The following MAPK8IP2 variants were observed in gnomAD, a reference collection of about 807,000 sequenced individuals.
The protein encoded by MAPK8IP2 is C-Jun-amino-terminal kinase-interacting protein 2.
MAPK8IP2 carries 15 observed loss-of-function variants against 75.6 expected under a neutral mutation model. The observed-to-expected ratio is 0.20, with a 90% confidence interval of 0.13 to 0.31. MAPK8IP2 has a LOEUF of 0.31. MAPK8IP2 is among the 10% of genes least tolerant of loss of function. The pLI, the probability that MAPK8IP2 is intolerant of heterozygous loss-of-function variation, is 1.00. For synonymous variants in MAPK8IP2, 632 were observed against 554.5 expected (o/e 1.14, Z -1.96); for missense variants, 1,089 against 1,211.2 (o/e 0.90, Z 1.50).
At chr22:50,602,186 C>T (rs2070949798) in intron 2 of MAPK8IP2, among the ~76,000 whole-genome samples, 1 of 152,226 alleles carries the variant, frequency 6.6e-6, no homozygotes, top group African/African-American at 2.4e-5. Flanking sequence ...GTCCTCAGAT[C>T]ACTCCCAGAA....
chr22:50,606,923 C>G lies in MAPK8IP2; in HGVS notation c.2235C>G (p.Phe745Leu), dbSNP rs1183860430. The change falls in exon 10 of 12, where the codon TTC becomes TTG. Residue 745 changes from phenylalanine (F) to leucine (L), a missense_variant and splice_region_variant. This residue lies in a region of MAPK8IP2 where 129 missense variants were observed against 201.7 expected (regional missense o/e 0.64). Coordinates refer to ENST00000329492, the MANE Select transcript of MAPK8IP2 (RefSeq NM_012324.6). Reference sequence around the variant, plus strand: ...ACTTCTGCCCACCTCTGCTCTAGTTCCAGCGCTGCAGCCATTTCTTCCAGA... The same window carrying G: ...ACTTCTGCCCACCTCTGCTCTAGTTGCAGCGCTGCAGCCATTTCTTCCAGA... ...KLSLSGGGPE[F>L]QRCSHFFQMK... 3.1e-6 allele frequency: 5 copies of G among 1,613,818 alleles called. No homozygotes were observed. The Admixed American group carries it at 8.3e-5, about 27-fold the overall frequency.
At position 50,609,170 on chromosome 22, in the gene MAPK8IP2, C is replaced by T. The variant is rs141748906; in HGVS notation, c.2304-1042C>T. Reference sequence around the variant, plus strand: ...GAACGATGAACTCGTTTCTTCATGGCGGTGGTGGTAGGTCAGGAGAGCGTG... The same window carrying T: ...GAACGATGAACTCGTTTCTTCATGGTGGTGGTGGTAGGTCAGGAGAGCGTG... On this transcript the variant is annotated intron_variant, in intron 10 of 11. Coordinates refer to ENST00000329492, the MANE Select transcript of MAPK8IP2 (RefSeq NM_012324.6). 1.4e-3 allele frequency among the ~76,000 whole-genome samples: 211 copies of T among 152,248 alleles called. 1 individual carries two copies. The highest frequency in any genetic ancestry group is 5.0e-3 in the African/African-American group (206 of 41,546).
intron 8 of MAPK8IP2, 75 bp downstream of exon 8, chr22:50,606,009 G>A: frequency 8.4e-7 from 1 of 1,196,780 alleles, no homozygotes; most frequent in South Asian, 1.4e-5. Flanking sequence ...GCTGGCACAG[G>A]GCTTGAGGCT....
chr22:50,606,089 A>T (rs1371333380), intron 8 of MAPK8IP2, among the ~76,000 whole-genome samples, 155 bp downstream of exon 8: 1 of 152,066 alleles, frequency 6.6e-6, no homozygotes, highest in Non-Finnish European at 1.5e-5. Context: ...CGGGGTGGGT[A>T]CCCCAGGCCC....
Position 50,600,797 on chromosome 22 carries a change from T to TC in MAPK8IP2, c.-21dup. The TC allele has an allele frequency of 1.6e-6, 2 of 1,234,872 alleles. No individual in the cohort carries two copies. The highest frequency in any genetic ancestry group is 1.3e-4 in the East Asian group (2 of 15,676). The allele number at this position is 1,234,872 out of a possible 1,614,324, so 76.5% of individuals were successfully genotyped here. ...GAGGCTCCCGCACCCCCCGCCGCAG[T>TC]CGCGGGCCTCTCCCGGAGAAGATGG... On this transcript the variant is annotated 5_prime_UTR_variant, in exon 1 of 12. Transcript: ENST00000329492.
At position 50,604,140 on chromosome 22, in the gene MAPK8IP2, G is replaced by A. The variant is rs866968036; in HGVS notation, c.841G>A (p.Asp281Asn). The A allele has an allele frequency of 2.6e-6, 4 of 1,556,004 alleles. No individual in the cohort carries two copies. Among genetic ancestry groups the A allele is most frequent in the Admixed American group, 1.9e-5 (1 of 53,638 alleles). ...GGAGACGGAGCTGGAGCTGAGCAGCGATGGCGGAAGCAGCAGCAGCGGCCG... is the reference window on the plus strand; with the variant it reads ...GGAGACGGAGCTGGAGCTGAGCAGCAATGGCGGAAGCAGCAGCAGCGGCCG... ...ISETELELSS[D>N]GGSSSSGRSS... Residue 281 changes from aspartate (D) to asparagine (N), a missense_variant, in exon 5 of 12, where the codon GAT becomes AAT. Asp to Asn is a conservative substitution (Grantham distance 23). Around this residue, in one of 2 missense-constraint regions of MAPK8IP2, gnomAD observed 960 missense variants for 1,009.6 expected, o/e 0.95. Coordinates refer to ENST00000329492, the MANE Select transcript of MAPK8IP2 (RefSeq NM_012324.6).
intron 1 of MAPK8IP2, 188 bp downstream of exon 1, chr22:50,601,071 T>C (rs1477482165): frequency 1.5e-5 from 2 of 134,954 alleles, no homozygotes; most frequent in Admixed American, 1.5e-4. Flanking sequence ...ACTCCCTCCA[T>C]CTTCACCGCG....
At chr22:50,609,651 TGGAC>T (rs1023133601) in intron 10 of MAPK8IP2, 6 of 427,392 alleles carry the variant, frequency 1.4e-5, no homozygotes, top group African/African-American at 1.2e-4. Flanking sequence ...CCTCTCCCTC[TGGAC>T]GACGATTTTT....
In MAPK8IP2 at chr22:50,605,714, G is replaced by A. The variant is rs1437054417; in HGVS notation, c.1994G>A (p.Gly665Asp). 2 of 1,609,414 alleles carry A rather than the reference G, an allele frequency of 1.2e-6. No homozygotes were observed. Among genetic ancestry groups the A allele is most frequent in the South Asian group, 2.2e-5 (2 of 90,600 alleles). Residue 665 changes from glycine (G) to aspartate (D), a missense_variant, in exon 7 of 12, where the codon GGC becomes GAC. Transcript: ENST00000329492. The stretch of plus-strand genomic sequence containing the variant: ...GCCTTCTACGCCCATGCGGTGCCCG[G>A]CCCTGCCAAGGACCTGCTGGGTGAG... ...FPAFYAHAVP[G>D]PAKDLLGSKR...
At position 50,601,845 on chromosome 22, in the gene MAPK8IP2, C is replaced by T; in HGVS notation, c.122C>T (p.Thr41Ile). The change falls in exon 2 of 12, where the codon ACT becomes ATT. Residue 41 changes from threonine (T) to isoleucine (I), a missense_variant. Coordinates refer to ENST00000329492, the MANE Select transcript of MAPK8IP2 (RefSeq NM_012324.6). ...EFDDEDLSEITDDCGLGLSYD... is the reference protein window; with the variant it reads ...EFDDEDLSEIIDDCGLGLSYD... Reference sequence around the variant, plus strand: ...GACGACGAAGATCTGTCTGAGATCACTGATGACTGTGGCCTGGGCCTCAGC... The same window carrying T: ...GACGACGAAGATCTGTCTGAGATCATTGATGACTGTGGCCTGGGCCTCAGC... The T allele has an allele frequency of 6.2e-7, 1 of 1,613,952 alleles. No homozygotes were observed. The highest frequency in any genetic ancestry group is 1.3e-5 in the African/African-American group (1 of 75,044).
intron 1 of MAPK8IP2, chr22:50,601,467 TCCC>T: frequency 1.5e-5 from 4 of 273,908 alleles, no homozygotes; most frequent in Admixed American, 8.7e-5. Context: ...CAGCTCCCCC[TCCC>T]CTGCTCTGCA....
chr22:50,604,901 C>A lies in MAPK8IP2; in HGVS notation c.1602C>A (p.His534Gln), dbSNP rs770214144. The A allele has an allele frequency of 3.1e-6, 5 of 1,609,512 alleles. No homozygotes were observed. In the South Asian group the frequency reaches 3.3e-5, roughly 11 times the overall value. Residue 534 changes from histidine (H) to glutamine (Q), a missense_variant, in exon 5 of 12, where the codon CAC (histidine) becomes CAA (glutamine). Transcript: ENST00000329492. ...VSLRRCAGLG[H>Q]DSEEDSGGEA... is the part of the protein sequence containing the mutation. ...TGCGGCGCTGTGCTGGGCTGGGCCACGACAGCGAAGAGGACAGCGGCGGGG... is the reference window on the plus strand; with the variant it reads ...TGCGGCGCTGTGCTGGGCTGGGCCAAGACAGCGAAGAGGACAGCGGCGGGG...
In MAPK8IP2 at chr22:50,605,372, C is replaced by T. The variant is rs775229551; in HGVS notation, c.1770C>T (p.Thr590=). 5 of 1,613,276 alleles carry T rather than the reference C, an allele frequency of 3.1e-6. No homozygotes were observed. The highest frequency in any genetic ancestry group is 3.4e-6 in the Non-Finnish European group (4 of 1,179,830). Residue 590 remains threonine (T), a synonymous_variant, in exon 6 of 12, where the codon ACC becomes ACT. Coordinates refer to ENST00000329492, the MANE Select transcript of MAPK8IP2 (RefSeq NM_012324.6). ...FVNSTSRSSS[T]ESFGLFSCLV... is the part of the protein sequence containing the mutation. ...CTGTCCTGCCGGGTCTCCCAGGCAC[C>T]GAGTCCTTTGGCCTTTTCTCCTGTC...
rs900218390 is a variant in MAPK8IP2, at chr22:50,610,961, C to T, written c.*182C>T. 13 of 565,434 alleles carry T rather than the reference C, an allele frequency of 2.3e-5. No individual in the cohort carries two copies. Among genetic ancestry groups the T allele is most frequent in the Admixed American group, 9.6e-5 (3 of 31,216 alleles). 35.0% of individuals were successfully genotyped at this position (565,434 alleles called of 1,614,324 possible). A position where few individuals can be genotyped will look rare whatever the true frequency, so the allele number is the denominator to read the frequency against. On this transcript the variant is annotated 3_prime_UTR_variant, in exon 12 of 12. Transcript: ENST00000329492. The surrounding 1 kb of genome is among the most constrained non-coding windows in gnomAD (Gnocchi z 4.3). Reference sequence around the variant, plus strand: ...CCCCAGGGCGCAGCTGTTGGGGCTGCGGGGGAGTGGAGCCCCCGTGCCCCT... The same window carrying T: ...CCCCAGGGCGCAGCTGTTGGGGCTGTGGGGGAGTGGAGCCCCCGTGCCCCT...
At chr22:50,601,728 G>A in intron 1 of MAPK8IP2, 61 bp from the exon 2 acceptor site, 6 of 1,334,810 alleles carry the variant, frequency 4.5e-6, no homozygotes, top group Non-Finnish European at 6.5e-6. Context: ...CCCTCCTCAG[G>A]GCCAGTTGCC....
intron 10 of MAPK8IP2, among the ~76,000 whole-genome samples, chr22:50,609,198 G>A (rs1249094617): frequency 6.6e-6 from 1 of 152,198 alleles, no homozygotes; most frequent in Non-Finnish European, 1.5e-5. Context: ...AGAGCGTGGG[G>A]TGTGCTGTGT....
chr22:50,609,730 G>A (rs1228020355), intron 10 of MAPK8IP2: 5 of 513,066 alleles, frequency 9.7e-6, no homozygotes, highest in South Asian at 7.1e-5. Flanking sequence ...CCCGCAAGGA[G>A]CTGCTTTCCA....
chr22:50,605,519 T>A, intron 6 of MAPK8IP2, 43 bp from the exon 7 acceptor site: 1 of 1,584,934 alleles, frequency 6.3e-7, no homozygotes, highest in Non-Finnish European at 8.6e-7. Context: ...GACACGACCG[T>A]CAATCCCGCC....
At chr22:50,603,565 C>T in intron 3 of MAPK8IP2, 61 bp from the exon 4 acceptor site, 1 of 1,579,318 alleles carries the variant, frequency 6.3e-7, no homozygotes, top group Non-Finnish European at 8.6e-7. Context: ...CTGCAGCCAG[C>T]CCTGCTCACC....
Sources: gnomAD v4.1 joint callset for allele counts (sites outside exome capture counted in the v4.1 genomes callset) on GRCh38, gnomAD v4.1.1 for gene constraint, gnomAD v4.1.1 regional missense constraint, Gnocchi (gnomAD v3.1) non-coding constraint, MANE v1.5 for transcripts, NCBI Gene and HGNC (gene_info 2026-07-23, HGNC 2026-07-21) for gene names.